Variants in GABRB1 observed in about 807,000 individuals in gnomAD.
GABRB1 encodes gamma-aminobutyric acid receptor subunit beta-1.
Under a neutral mutation model 51.6 loss-of-function variants are expected in GABRB1, and 17 were observed. That is an observed-to-expected ratio of 0.33 (90% CI 0.23 to 0.49). GABRB1 has a LOEUF of 0.49. GABRB1 is among the 20% of genes least tolerant of loss of function. The pLI, the probability that GABRB1 is intolerant of heterozygous loss-of-function variation, is 0.99. For missense variants in GABRB1, 410 were observed against 600.6 expected (o/e 0.68, Z 3.32); for synonymous variants, 247 against 218.9 (o/e 1.13, Z -1.14).
intron 4 of GABRB1, among the ~76,000 whole-genome samples, chr4:47,169,765 G>A (rs1272045388): frequency 2.0e-5 from 3 of 152,100 alleles, no homozygotes; most frequent in Non-Finnish European, 4.4e-5. Flanking sequence ...ACCTCCCAAA[G>A]TGCTGGGATT....
intron 3 of GABRB1, among the ~76,000 whole-genome samples, chr4:47,123,333 A>C (rs1325769835): frequency 7.8e-6 from 1 of 128,698 alleles, no homozygotes; most frequent in Non-Finnish European, 1.6e-5. Context: ...ATATTAGATA[A>C]TATTATATAA....
chr4:47,116,018 A>G (rs1041168231), intron 3 of GABRB1, among the ~76,000 whole-genome samples: 1 of 152,184 alleles, frequency 6.6e-6, no homozygotes, highest in Non-Finnish European at 1.5e-5. Flanking sequence ...CATTTAACCA[A>G]TATAAGCCAT....
intron 3 of GABRB1, among the ~76,000 whole-genome samples, chr4:47,057,023 C>T (rs1371432925): frequency 6.6e-6 from 1 of 152,038 alleles, no homozygotes; most frequent in East Asian, 1.9e-4. Context: ...GGAGAATCGC[C>T]TGACCCTGGG....
chr4:47,363,477 G>T (rs1345026394), intron 5 of GABRB1, among the ~76,000 whole-genome samples: 3 of 152,004 alleles, frequency 2.0e-5, no homozygotes, highest in Non-Finnish European at 4.4e-5. Context: ...TCTGATTGCA[G>T]GATCCTGAAA....
At chr4:47,346,863 T>C (rs1726115968) in intron 5 of GABRB1, among the ~76,000 whole-genome samples, 2 of 152,230 alleles carry the variant, frequency 1.3e-5, no homozygotes, top group African/African-American at 2.4e-5. Flanking sequence ...TGATTGGTTT[T>C]GTAAACATTT....
chr4:47,103,659 C>T (rs1714819610), intron 3 of GABRB1, among the ~76,000 whole-genome samples: 1 of 151,642 alleles, frequency 6.6e-6, no homozygotes, highest in Non-Finnish European at 1.5e-5. Flanking sequence ...TAATCAATGC[C>T]TAAGATAAAA....
At chr4:47,008,486 G>T in intron 1 of GABRB1, among the ~76,000 whole-genome samples, 1 of 149,902 alleles carries the variant, frequency 6.7e-6, no homozygotes. Context: ...TTCTTGAGAT[G>T]GAGTCTCACT....
At chr4:47,254,527 G>A (rs766976818) in intron 4 of GABRB1, among the ~76,000 whole-genome samples, 4 of 151,608 alleles carry the variant, frequency 2.6e-5, no homozygotes, top group Admixed American at 6.6e-5. Context: ...CACCATGCCC[G>A]GCTGATTTGT....
chr4:47,131,704 C>A (rs1310014609), intron 3 of GABRB1, among the ~76,000 whole-genome samples: 1 of 152,058 alleles, frequency 6.6e-6, no homozygotes, highest in Non-Finnish European at 1.5e-5. Flanking sequence ...GGTAAAAGAA[C>A]CAATACCTGG....
chr4:47,189,187 C>T (rs1413926818), intron 4 of GABRB1, among the ~76,000 whole-genome samples: 1 of 151,706 alleles, frequency 6.6e-6, no homozygotes, highest in East Asian at 1.9e-4. Context: ...TAGAAGAGGT[C>T]AGGGTAAGGA....
chr4:47,372,671 G>A (rs1255884309), intron 5 of GABRB1, among the ~76,000 whole-genome samples: 2 of 152,184 alleles, frequency 1.3e-5, no homozygotes, highest in Non-Finnish European at 2.9e-5. Flanking sequence ...ACATTGAGAG[G>A]AGAAATGTCT....
chr4:47,350,172 T>C (rs1462841781), intron 5 of GABRB1, among the ~76,000 whole-genome samples: 2 of 139,894 alleles, frequency 1.4e-5, no homozygotes, highest in African/African-American at 5.2e-5. Flanking sequence ...ATATTTCCTC[T>C]TGGGCTCAGA....
chr4:47,094,283 T>C lies in GABRB1; in HGVS notation c.240+61799T>C, dbSNP rs548918490. Among the ~76,000 whole-genome samples the C allele has an allele frequency of 2.4e-4, 36 of 148,630 alleles. No homozygotes were observed. In the East Asian group the frequency reaches 4.9e-3, roughly 20 times the overall value. Reference sequence around the variant, plus strand: ...CTCTGTCGCCCAGGCTGGAGTGCAGTGGCGTGATGTCAGCTCACTGCAACC... The same window carrying C: ...CTCTGTCGCCCAGGCTGGAGTGCAGCGGCGTGATGTCAGCTCACTGCAACC... On this transcript the variant is annotated intron_variant, in intron 3 of 8. Coordinates refer to ENST00000295454, the MANE Select transcript of GABRB1 (RefSeq NM_000812.4).
At chr4:47,028,516 A>G (rs1341306661), upstream of GABRB1, among the ~76,000 whole-genome samples, 4 of 151,784 alleles carry the variant, frequency 2.6e-5, no homozygotes. Flanking sequence ...TTGCAAATGT[A>G]TCTCCTAATT....
At chr4:47,037,299 G>C (rs948059591) in intron 3 of GABRB1, among the ~76,000 whole-genome samples, 1 of 152,170 alleles carries the variant, frequency 6.6e-6, no homozygotes, top group African/African-American at 2.4e-5. Flanking sequence ...CTGTCAGTAA[G>C]TTCTCTGAGG....
At chr4:47,171,287 A>C (rs1718425829) in intron 4 of GABRB1, among the ~76,000 whole-genome samples, 1 of 151,970 alleles carries the variant, frequency 6.6e-6, no homozygotes, top group Non-Finnish European at 1.5e-5. Context: ...AAAAGAAAAG[A>C]CTTAGATAAA....
chr4:47,123,717 G>A (rs868000541), intron 3 of GABRB1, among the ~76,000 whole-genome samples: 1 of 58,602 alleles, frequency 1.7e-5, no homozygotes, highest in Non-Finnish European at 3.0e-5. Flanking sequence ...TATGATATAT[G>A]ATATATGATA....
chr4:47,174,130 T>C (rs966073366), intron 4 of GABRB1, among the ~76,000 whole-genome samples: 1 of 152,056 alleles, frequency 6.6e-6, no homozygotes, highest in Non-Finnish European at 1.5e-5. Context: ...AGTGGTGCAA[T>C]CATGGCTCAC....
intron 3 of GABRB1, among the ~76,000 whole-genome samples, chr4:47,138,332 A>G (rs559308658): frequency 5.5e-4 from 83 of 152,166 alleles, no homozygotes; most frequent in Non-Finnish European, 9.0e-4. Context: ...ATTCAGCTCG[A>G]TCAATGTAGT....
Sources: gnomAD v4.1 joint callset for allele counts (sites outside exome capture counted in the v4.1 genomes callset) on GRCh38, gnomAD v4.1.1 for gene constraint, MANE v1.5 for transcripts, NCBI Gene and HGNC (gene_info 2026-07-23, HGNC 2026-07-21) for gene names.